The following ADCY8 variants were observed in gnomAD, a reference collection of about 807,000 sequenced individuals.
ADCY8 encodes the protein adenylate cyclase type 8.
ADCY8 carries 51 observed loss-of-function variants against 119.7 expected under a neutral mutation model. That is an observed-to-expected ratio of 0.43 (90% CI 0.34 to 0.54). The LOEUF is 0.54. Ranked by LOEUF, ADCY8 falls within the 20% of genes least tolerant of loss-of-function variation. ADCY8 has a pLI of 0.03. For missense variants in ADCY8, 1,383 were observed against 1,598.8 expected (o/e 0.87, Z 2.30); for synonymous variants, 665 against 651.0 (o/e 1.02, Z -0.33).
intron 11 of ADCY8, among the ~76,000 whole-genome samples, chr8:130,837,454 C>T (rs765593456): frequency 6.6e-6 from 1 of 152,166 alleles, no homozygotes; most frequent in African/African-American, 2.4e-5. Flanking sequence ...TCTCCAGCTA[C>T]GTTTGGATCT....
chr8:131,035,820 C>G (rs951607692), intron 1 of ADCY8, among the ~76,000 whole-genome samples: 3 of 152,098 alleles, frequency 2.0e-5, no homozygotes, highest in Non-Finnish European at 4.4e-5. Flanking sequence ...TAGCTATCCT[C>G]CTAAAGAGAA....
At chr8:130,824,052 C>A (rs762253082) in intron 12 of ADCY8, among the ~76,000 whole-genome samples, 4 of 152,090 alleles carry the variant, frequency 2.6e-5, no homozygotes, top group Non-Finnish European at 5.9e-5. Flanking sequence ...GAGGAGTAGT[C>A]ATTTTCCCAA....
At chr8:130,952,128 T>C in intron 2 of ADCY8, 130 bp from the exon 3 acceptor site, 2 of 1,025,904 alleles carry the variant, frequency 1.9e-6, no homozygotes, top group East Asian at 2.5e-5. Context: ...TACCATTCTA[T>C]GAATACAACA....
chr8:130,894,677 C>T (rs1048008696), intron 7 of ADCY8, among the ~76,000 whole-genome samples: 2 of 152,110 alleles, frequency 1.3e-5, no homozygotes, highest in African/African-American at 4.8e-5. Context: ...CTGTAAGTCT[C>T]TTTTGACACA....
intron 10 of ADCY8, among the ~76,000 whole-genome samples, chr8:130,848,250 A>G (rs3793393): frequency 0.3 from 45,784 of 152,058 alleles, 6,960 homozygotes; most frequent in Admixed American, 0.32. Context: ...ACTGAGGCAC[A>G]GTTGGCCTCA....
At chr8:130,886,064 C>T (rs1563712802) in intron 7 of ADCY8, among the ~76,000 whole-genome samples, 1 of 152,026 alleles carries the variant, frequency 6.6e-6, no homozygotes, top group East Asian at 1.9e-4. Flanking sequence ...TGAAGCCATC[C>T]AGCCCACCCC....
intron 3 of ADCY8, chr8:130,949,448 TA>T (rs1234469269): frequency 6.6e-6 from 1 of 152,202 alleles, no homozygotes; most frequent in Admixed American, 6.5e-5. Context: ...ATTAAATATT[TA>T]TTTTTTCCCC....
intron 5 of ADCY8, among the ~76,000 whole-genome samples, chr8:130,934,677 C>G (rs1820733121): frequency 6.6e-6 from 1 of 152,174 alleles, no homozygotes; most frequent in South Asian, 2.1e-4. Flanking sequence ...GCAGCCTTTT[C>G]CATTAACCAA....
At chr8:130,992,569 C>T (rs554296811) in intron 1 of ADCY8, among the ~76,000 whole-genome samples, 15 of 151,588 alleles carry the variant, frequency 9.9e-5, no homozygotes, top group South Asian at 4.2e-4. Flanking sequence ...TGTTTACCAC[C>T]GCATGTGGCT....
chr8:130,912,712 T>C (rs1383121193), intron 5 of ADCY8, among the ~76,000 whole-genome samples: 1 of 152,184 alleles, frequency 6.6e-6, no homozygotes, highest in Non-Finnish European at 1.5e-5. Flanking sequence ...CTGTGAACAT[T>C]AGAAGAAATG....
intron 1 of ADCY8, among the ~76,000 whole-genome samples, chr8:131,004,908 G>A (rs1586648661): frequency 2.0e-5 from 3 of 152,210 alleles, no homozygotes; most frequent in African/African-American, 4.8e-5. Flanking sequence ...CTGTGGTTTA[G>A]GGCTTTCAGA....
At chr8:131,007,162 AC>A (rs1823146008) in intron 1 of ADCY8, among the ~76,000 whole-genome samples, 1 of 152,332 alleles carries the variant, frequency 6.6e-6, no homozygotes, top group Non-Finnish European at 1.5e-5. Context: ...TAAAAAAAGC[AC>A]ATAGTACTGA....
intron 12 of ADCY8, among the ~76,000 whole-genome samples, chr8:130,827,927 C>G (rs756801583): frequency 6.6e-6 from 1 of 152,152 alleles, no homozygotes; most frequent in African/African-American, 2.4e-5. Context: ...GACTCAGATA[C>G]GATCATTACT....
intron 3 of ADCY8, among the ~76,000 whole-genome samples, chr8:130,946,869 G>A (rs180916802): frequency 1.4e-3 from 212 of 152,290 alleles, no homozygotes; most frequent in African/African-American, 4.8e-3. Flanking sequence ...TAACTGAGCC[G>A]TAGATGATTT....
intron 12 of ADCY8, among the ~76,000 whole-genome samples, chr8:130,824,586 T>C (rs986100832): frequency 7.2e-5 from 11 of 152,216 alleles, no homozygotes; most frequent in African/African-American, 2.2e-4. Context: ...GTAATGTGTA[T>C]TGAATGGATA....
At chr8:130,787,044 C>T (rs1204342538) in intron 15 of ADCY8, among the ~76,000 whole-genome samples, 1 of 151,990 alleles carries the variant, frequency 6.6e-6, no homozygotes, top group Non-Finnish European at 1.5e-5. Context: ...TGTGGTAAGC[C>T]AGGCCATAAG....
chr8:130,834,045 A>T (rs1461714880), intron 12 of ADCY8, among the ~76,000 whole-genome samples: 1 of 152,168 alleles, frequency 6.6e-6, no homozygotes, highest in Non-Finnish European at 1.5e-5. Flanking sequence ...AGTAGATCTT[A>T]CGTGCTGTCA....
At chr8:130,987,621 A>G (rs1430555107) in intron 2 of ADCY8, among the ~76,000 whole-genome samples, 1 of 152,212 alleles carries the variant, frequency 6.6e-6, no homozygotes, top group Non-Finnish European at 1.5e-5. Context: ...ATTTAGGATC[A>G]TTATCCAAGG....
chr8:130,816,342 T>C (rs2130179520), intron 13 of ADCY8, among the ~76,000 whole-genome samples: 1 of 152,190 alleles, frequency 6.6e-6, no homozygotes, highest in South Asian at 2.1e-4. Flanking sequence ...AAAGTGTATA[T>C]AGTATGCTAC....
Sources: gnomAD v4.1 joint callset for allele counts (sites outside exome capture counted in the v4.1 genomes callset) on GRCh38, gnomAD v4.1.1 for gene constraint, MANE v1.5 for transcripts, NCBI Gene and HGNC (gene_info 2026-07-23, HGNC 2026-07-21) for gene names.